The following DCTN5 variants were observed in gnomAD, a reference collection of about 807,000 sequenced individuals.
DCTN5 encodes dynactin subunit 5, also known as dynactin 4.
DCTN5 carries 14 observed loss-of-function variants against 23.5 expected under a neutral mutation model. That is an observed-to-expected ratio of 0.60 (90% confidence interval 0.39 to 0.93). DCTN5 has a LOEUF of 0.93. Ranked by LOEUF, DCTN5 falls within the 40% of genes least tolerant of loss-of-function variation. DCTN5 has a pLI of 0.00. For synonymous variants in DCTN5, 67 were observed against 79.6 expected (o/e 0.84, Z 0.84); for missense variants, 156 against 225.9 (o/e 0.69, Z 1.98).
At chr16:23,650,838 T>G in intron 2 of DCTN5, 2 of 1,471,708 alleles carry the variant, frequency 1.4e-6, no homozygotes, top group South Asian at 2.4e-5. Context: ...GATGAGTCAG[T>G]AAGACTGAGT....
rs187021623 is a variant in DCTN5 at position 23,652,950 on chromosome 16, C to G, written c.118-5557C>G. Among the ~76,000 whole-genome samples, 96 of 152,180 alleles carry G rather than the reference C, an allele frequency of 6.3e-4. 1 individual carries two copies. Among genetic ancestry groups the G allele is most frequent in the Admixed American group, 1.2e-3 (19 of 15,284 alleles). On this transcript the variant is annotated intron_variant, in intron 2 of 5. Transcript: ENST00000300087. ...TTGAGCCCAGGATTTCAAAACCAGC[C>G]TGGGCAACATAGGGAGACCCCCATC...
At chr16:23,656,625 A>G (rs1381180291) in intron 2 of DCTN5, among the ~76,000 whole-genome samples, 1 of 152,098 alleles carries the variant, frequency 6.6e-6, no homozygotes, top group Admixed American at 6.5e-5. Context: ...TACAGACTTA[A>G]TCAGATTAAT....
chr16:23,665,587 A>G, intron 4 of DCTN5, 39 bp from the exon 5 acceptor site: 1 of 1,571,800 alleles, frequency 6.4e-7, no homozygotes, highest in Non-Finnish European at 8.7e-7. Context: ...TTCACACAGT[A>G]GACTGATCCA....
intron 2 of DCTN5, among the ~76,000 whole-genome samples, chr16:23,644,852 G>T (rs1967390697): frequency 6.6e-6 from 1 of 150,418 alleles, no homozygotes; most frequent in South Asian, 2.1e-4. Flanking sequence ...CGCCATCTCA[G>T]TCGCCACAAC....
intron 1 of DCTN5, among the ~76,000 whole-genome samples, chr16:23,641,884 C>T (rs1967277227): frequency 1.3e-5 from 2 of 152,122 alleles, no homozygotes. Flanking sequence ...GGCCCTTTTA[C>T]ACTGCCTTTT....
chr16:23,644,294 A>ATTTTTTTT (rs534821955), intron 2 of DCTN5, among the ~76,000 whole-genome samples: 2 of 97,352 alleles, frequency 2.1e-5, no homozygotes, highest in Non-Finnish European at 4.0e-5. Flanking sequence ...TGCCCACCTA[A>ATTTTTTTT]TTTTTTTTTT....
In DCTN5 at chr16:23,661,252, T is replaced by C. The variant is rs1404582067; in HGVS notation, c.319T>C (p.Tyr107His). 6.2e-7 allele frequency: 1 copy of C among 1,612,566 alleles called. No homozygotes were observed. The highest frequency in any genetic ancestry group is 1.1e-5 in the South Asian group (1 of 90,598). ...GGTCAACGCAGCACAGATTGGTTCC[T>C]ATGTTCATGTTGGGAAGAACTGTGT... ...CVVNAAQIGS[Y>H]VHVGKNCVIG... The change falls in exon 4 of 6, where the codon TAT becomes CAT. Residue 107 changes from tyrosine (Y) to histidine (H), a missense_variant. By Grantham distance (83) the Tyr-to-His change is moderately conservative. Around this residue, in one of 2 missense-constraint regions of DCTN5, gnomAD observed 153 missense variants for 206.8 expected, o/e 0.74. Transcript: ENST00000300087.
At chr16:23,653,286 C>T (rs1298626099) in intron 2 of DCTN5, among the ~76,000 whole-genome samples, 2 of 152,170 alleles carry the variant, frequency 1.3e-5, no homozygotes, top group Non-Finnish European at 2.9e-5. Context: ...GTAGGTATCA[C>T]GCTACCTGAC....
At chr16:23,649,861 T>A (rs528862797) in intron 2 of DCTN5, among the ~76,000 whole-genome samples, 11 of 149,334 alleles carry the variant, frequency 7.4e-5, no homozygotes, top group Middle Eastern at 3.5e-3. Flanking sequence ...AAAAAAAAGA[T>A]TTCATTTTGA....
At position 23,655,628 on chromosome 16, in the gene DCTN5, C is replaced by T. The variant is rs116851921; in HGVS notation, c.118-2879C>T. 4.0e-5 allele frequency among the ~76,000 whole-genome samples: 6 copies of T among 151,816 alleles called. No individual in the cohort carries two copies. The East Asian group carries it at 9.7e-4, about 25-fold the overall frequency. ...GTGTGATCTCAGCTTACCGCAGCCT[C>T]GACCTCCACATACTCAGACAATCCC... On this transcript the variant is annotated intron_variant, in intron 2 of 5. Coordinates refer to ENST00000300087, the MANE Select transcript of DCTN5 (RefSeq NM_032486.4).
chr16:23,651,332 C>A (rs1195510049), intron 2 of DCTN5, among the ~76,000 whole-genome samples: 1 of 152,200 alleles, frequency 6.6e-6, no homozygotes, highest in African/African-American at 2.4e-5. Flanking sequence ...AATCTGACTT[C>A]TCTTCCTCAG....
chr16:23,661,314 T>G (rs1222603925), intron 4 of DCTN5, 33 bp downstream of exon 4: 1 of 1,512,094 alleles, frequency 6.6e-7, no homozygotes, highest in African/African-American at 1.4e-5. Flanking sequence ...CAAAGCAGCT[T>G]CACTTTCCCT....
chr16:23,667,496 C>T lies in DCTN5; in HGVS notation c.*352C>T. On this transcript the variant is annotated 3_prime_UTR_variant, in exon 6 of 6. Transcript: ENST00000300087. ...GAAACGGACCTGCAGAGCAGCAGCA[C>T]CCTTCCGGTGTGGAGGCTATGTAGC... The T allele has an allele frequency of 4.1e-6, 1 of 244,512 alleles. No homozygotes were observed. Among genetic ancestry groups the T allele is most frequent in the Non-Finnish European group, 8.2e-6 (1 of 122,104 alleles). 15.1% of individuals were successfully genotyped at this position (244,512 alleles called of 1,614,324 possible).
chr16:23,665,828 G>T, intron 5 of DCTN5, 100 bp downstream of exon 5: 1 of 956,916 alleles, frequency 1.0e-6, no homozygotes, highest in South Asian at 1.6e-5. Context: ...CTGGCAATAT[G>T]TTGATAGAGC....
intron 2 of DCTN5, among the ~76,000 whole-genome samples, chr16:23,650,101 A>G (rs1474055720): frequency 6.6e-6 from 1 of 152,120 alleles, no homozygotes; most frequent in African/African-American, 2.4e-5. Flanking sequence ...TGATTACTGT[A>G]GCATTGCAGT....
At position 23,673,362 on chromosome 16, in the gene DCTN5, C is replaced by G. The variant is rs1035723744; in HGVS notation, c.*6218C>G. ...ACTCCTGGGCTCAAGCGATCTTGGCCTCCCTAAGTGCTGGGATTACAGTCA... is the reference window on the plus strand; with the variant it reads ...ACTCCTGGGCTCAAGCGATCTTGGCGTCCCTAAGTGCTGGGATTACAGTCA... On this transcript the variant is annotated 3_prime_UTR_variant, in exon 6 of 6. Coordinates refer to ENST00000300087, the MANE Select transcript of DCTN5 (RefSeq NM_032486.4). 4 of 152,128 alleles carry G rather than the reference C, an allele frequency of 2.6e-5. No homozygotes were observed. The highest frequency in any genetic ancestry group is 9.7e-5 in the African/African-American group (4 of 41,422). 9.4% of individuals were successfully genotyped at this position (152,128 alleles called of 1,614,324 possible). A position where few individuals can be genotyped will look rare whatever the true frequency, so the allele number is the denominator to read the frequency against.
At position 23,669,971 on chromosome 16, in the gene DCTN5, T is replaced by G. The variant is rs765776871; in HGVS notation, c.*2827T>G. ...CCCATAGCACCTTACCGAGGCGCCC[T>G]TATCAATAGAGTTTTAGTTATGTAC... On this transcript the variant is annotated 3_prime_UTR_variant, in exon 6 of 6. Coordinates refer to ENST00000300087, the MANE Select transcript of DCTN5 (RefSeq NM_032486.4). The G allele has an allele frequency of 6.6e-6, 1 of 152,186 alleles. No individual in the cohort carries two copies. Among genetic ancestry groups the G allele is most frequent in the Non-Finnish European group, 1.5e-5 (1 of 68,048 alleles). The allele number at this position is 152,186 out of a possible 1,614,324, so 9.4% of individuals were successfully genotyped here.
rs185409059 is a variant in DCTN5, at chr16:23,655,060, A to T, written c.118-3447A>T. Among the ~76,000 whole-genome samples the T allele has an allele frequency of 1.5e-4, 23 of 152,338 alleles. 1 individual carries two copies. In the East Asian group the frequency reaches 2.1e-3, roughly 14 times the overall value. On this transcript the variant is annotated intron_variant, in intron 2 of 5. Transcript: ENST00000300087. Reference sequence around the variant, plus strand: ...TTTATCCTTTCGCCCATTCATGGATATCTGGGTTAGAATCATATACTCTTT... The same window carrying T: ...TTTATCCTTTCGCCCATTCATGGATTTCTGGGTTAGAATCATATACTCTTT...
intron 2 of DCTN5, among the ~76,000 whole-genome samples, chr16:23,654,251 A>G (rs1490656139): frequency 6.6e-6 from 1 of 152,248 alleles, no homozygotes; most frequent in Non-Finnish European, 1.5e-5. Flanking sequence ...ACTGTTCACA[A>G]TAGCAAAGAC....
Sources: allele counts gnomAD v4.1 joint callset (sites outside exome capture counted in the v4.1 genomes callset), GRCh38; gene constraint gnomAD v4.1.1; regional missense constraint gnomAD v4.1.1; transcripts MANE v1.5; gene names NCBI Gene and HGNC (gene_info 2026-07-23, HGNC 2026-07-21).